Variants in CYTH3 observed in about 807,000 individuals in gnomAD.
CYTH3 encodes cytohesin-3.
A neutral mutation model predicts 55.1 loss-of-function variants in CYTH3; 23 were observed. That is an observed-to-expected ratio of 0.42 (90% CI 0.30 to 0.59). The LOEUF is 0.59. CYTH3 is among the 20% of genes least tolerant of loss of function. The pLI is 0.20. For synonymous variants in CYTH3, 249 were observed against 194.9 expected, an observed-to-expected ratio of 1.28 and a Z score of -2.31; for missense variants, 413 against 524.8, an observed-to-expected ratio of 0.79 and a Z score of 2.08.
At position 6,206,667 on chromosome 7, in the gene CYTH3, A is replaced by G. The variant is rs1583785961; in HGVS notation, c.35-16136T>C. ...ACTGATCCCTTTTAATCCTTAACAG[A>G]AGAAGGGAAGAATTTCCTGAAAAAG... On this transcript the variant is annotated intron_variant, in intron 1 of 12. Transcript: ENST00000350796. Among the ~76,000 whole-genome samples, 2 of 152,202 alleles carry G rather than the reference A, an allele frequency of 1.3e-5. 1 individual carries two copies. The highest frequency in any genetic ancestry group is 4.1e-4 in the South Asian group (2 of 4,832).
chr7:6,199,861 A>G (rs1784019606), intron 1 of CYTH3, among the ~76,000 whole-genome samples: 1 of 152,232 alleles, frequency 6.6e-6, no homozygotes, highest in Non-Finnish European at 1.5e-5. Flanking sequence ...GGGAGAAAGG[A>G]AAGCACACGT....
At chr7:6,252,300 G>A (rs139856770) in intron 1 of CYTH3, among the ~76,000 whole-genome samples, 28 of 152,262 alleles carry the variant, frequency 1.8e-4, no homozygotes, top group Non-Finnish European at 2.9e-4. Flanking sequence ...CAAGAGGAGC[G>A]TTTAGTTCTC....
chr7:6,200,700 C>T (rs892958356), intron 1 of CYTH3, among the ~76,000 whole-genome samples: 1 of 152,182 alleles, frequency 6.6e-6, no homozygotes, highest in Non-Finnish European at 1.5e-5. Context: ...TACATGGAGC[C>T]GTGGTTTAAC....
intron 1 of CYTH3, among the ~76,000 whole-genome samples, chr7:6,218,941 G>A (rs1181832943): frequency 6.8e-6 from 1 of 147,928 alleles, no homozygotes; most frequent in African/African-American, 2.5e-5. Context: ...GGAGGCGGAG[G>A]TTGCAGTGAG....
chr7:6,222,393 G>T (rs1372273500), intron 1 of CYTH3, among the ~76,000 whole-genome samples: 1 of 152,176 alleles, frequency 6.6e-6, no homozygotes, highest in African/African-American at 2.4e-5. Flanking sequence ...CTGAAGAGAG[G>T]AGTCATTAAC....
intron 3 of CYTH3, among the ~76,000 whole-genome samples, chr7:6,187,428 T>C (rs1229431180): frequency 6.6e-6 from 1 of 152,214 alleles, no homozygotes; most frequent in East Asian, 1.9e-4. Flanking sequence ...TGCTTATGCC[T>C]GAACCTATAA....
chr7:6,177,873 A>G lies in CYTH3; in HGVS notation c.318T>C (p.Tyr106=), dbSNP rs1783388966. The change falls in exon 5 of 13, where the codon TAT becomes TAC. Residue 106 remains tyrosine (Y), a synonymous_variant. Transcript: ENST00000350796. ...CGGTCTTATTTAGGCCTTCTCCTTT[A>G]TAAAGGAACTGGGCGACGTCTTCTG... The part of the protein sequence containing the change: ...SSPEDVAQFL[Y]KGEGLNKTVI... 1.2e-6 allele frequency: 2 copies of G among 1,614,052 alleles called. No homozygotes were observed. The highest frequency in any genetic ancestry group is 1.1e-5 in the South Asian group (1 of 91,080).
chr7:6,260,728 C>A (rs550098851), intron 1 of CYTH3, among the ~76,000 whole-genome samples: 2 of 152,320 alleles, frequency 1.3e-5, no homozygotes, highest in South Asian at 2.1e-4. Context: ...CTAGGCCTCA[C>A]TGGTTACCCT....
chr7:6,260,498 C>G (rs973749940), intron 1 of CYTH3, among the ~76,000 whole-genome samples: 1 of 152,114 alleles, frequency 6.6e-6, no homozygotes, highest in African/African-American at 2.4e-5. Context: ...GCCCATGGCA[C>G]GTGCCTTTCC....
intron 1 of CYTH3, among the ~76,000 whole-genome samples, chr7:6,261,701 A>AG (rs1780358381): frequency 6.6e-6 from 1 of 151,494 alleles, no homozygotes; most frequent in African/African-American, 2.4e-5. Context: ...AAAAAAAAAA[A>AG]AAAAAAAAAA....
Position 6,211,015 on chromosome 7 carries a change from T to C in CYTH3, c.35-20484A>G, listed in dbSNP as rs149897542. 6.7e-3 allele frequency among the ~76,000 whole-genome samples: 1,020 copies of C among 152,328 alleles called. 12 individuals carry two copies. Among genetic ancestry groups the C allele is most frequent in the African/African-American group, 0.023 (968 of 41,570 alleles). ...CCAAGTGAAGTTTTGGCAGTACTCA[T>C]GAAAATATAAATCAAATCATGTCTC... On this transcript the variant is annotated intron_variant, in intron 1 of 12. Coordinates refer to ENST00000350796, the MANE Select transcript of CYTH3 (RefSeq NM_004227.4).
intron 1 of CYTH3, among the ~76,000 whole-genome samples, chr7:6,203,101 A>T (rs1784096925): frequency 6.6e-6 from 1 of 152,180 alleles, no homozygotes; most frequent in African/African-American, 2.4e-5. Flanking sequence ...TTATTCACAA[A>T]GTCAGAATTT....
At chr7:6,195,946 G>A (rs1483583403) in intron 1 of CYTH3, among the ~76,000 whole-genome samples, 1 of 152,194 alleles carries the variant, frequency 6.6e-6, no homozygotes, top group Non-Finnish European at 1.5e-5. Flanking sequence ...CCAAAGTCAT[G>A]CAACATGCTA....
chr7:6,209,812 T>C (rs945456132), intron 1 of CYTH3, among the ~76,000 whole-genome samples: 1 of 152,170 alleles, frequency 6.6e-6, no homozygotes, highest in Non-Finnish European at 1.5e-5. Context: ...TGAAAAGACA[T>C]AAAGGAACTT....
At chr7:6,263,470 T>A (rs1318420393) in intron 1 of CYTH3, among the ~76,000 whole-genome samples, 1 of 152,212 alleles carries the variant, frequency 6.6e-6, no homozygotes, top group Non-Finnish European at 1.5e-5. Flanking sequence ...CAGTACCGTT[T>A]GTAACACCAC....
intron 6 of CYTH3, among the ~76,000 whole-genome samples, chr7:6,172,481 C>A (rs1025876025): frequency 6.6e-5 from 10 of 152,310 alleles, no homozygotes; most frequent in African/African-American, 1.9e-4. Flanking sequence ...CCGCATGCCT[C>A]TGCCCCACAC....
intron 1 of CYTH3, among the ~76,000 whole-genome samples, chr7:6,226,809 G>A (rs930491823): frequency 6.6e-6 from 1 of 152,112 alleles, no homozygotes; most frequent in Non-Finnish European, 1.5e-5. Context: ...GGCCGGGCGC[G>A]GTGGCTCATG....
chr7:6,189,554 C>T (rs550650695), intron 2 of CYTH3, among the ~76,000 whole-genome samples: 10 of 152,130 alleles, frequency 6.6e-5, no homozygotes, highest in African/African-American at 2.4e-4. Context: ...AGAGATCCTC[C>T]TGCCTTGGCC....
intron 1 of CYTH3, among the ~76,000 whole-genome samples, chr7:6,259,301 T>C (rs1341788237): frequency 6.6e-6 from 1 of 152,214 alleles, no homozygotes; most frequent in Non-Finnish European, 1.5e-5. Context: ...GACATAAGTT[T>C]TTCAAAAGAA....
Sources: gnomAD v4.1 joint callset for allele counts (sites outside exome capture counted in the v4.1 genomes callset) on GRCh38, gnomAD v4.1.1 for gene constraint, MANE v1.5 for transcripts, NCBI Gene and HGNC (gene_info 2026-07-23, HGNC 2026-07-21) for gene names.